The following NELL1 variants were observed in gnomAD, a reference collection of about 807,000 sequenced individuals.
NELL1 encodes protein kinase C-binding protein NELL1.
In NELL1, 76 loss-of-function variants were observed where a neutral mutation model predicts 107.4. The ratio of observed to expected loss-of-function variants is 0.71; its 90% CI spans 0.59 to 0.86. The LOEUF (loss-of-function observed/expected upper bound fraction) is 0.86, where lower values mean the gene tolerates loss of function less well. NELL1 is among the 40% of genes least tolerant of loss of function. The pLI is 0.00. For missense variants in NELL1, 1,024 were observed against 1,005.5 expected (o/e 1.02, Z -0.25); for synonymous variants, 353 against 341.2 (o/e 1.03, Z -0.38).
intron 13 of NELL1, among the ~76,000 whole-genome samples, chr11:21,212,116 G>A (rs570847117): frequency 6.6e-6 from 1 of 152,162 alleles, no homozygotes; most frequent in East Asian, 1.9e-4. Context: ...GTGAACCATG[G>A]TTCTGCTTCT....
At chr11:20,793,009 G>A (rs929087615) in intron 3 of NELL1, among the ~76,000 whole-genome samples, 2 of 151,838 alleles carry the variant, frequency 1.3e-5, no homozygotes, top group Admixed American at 1.3e-4. Flanking sequence ...GAATGAGCCT[G>A]AAAATAGATG....
At chr11:21,144,490 C>T (rs753186684) in intron 13 of NELL1, among the ~76,000 whole-genome samples, 6 of 152,006 alleles carry the variant, frequency 3.9e-5, no homozygotes, top group Non-Finnish European at 5.9e-5. Context: ...CAAATTTGTC[C>T]GTAATAGAGA....
intron 4 of NELL1, among the ~76,000 whole-genome samples, chr11:20,878,935 G>A (rs1849357541): frequency 6.6e-6 from 1 of 152,178 alleles, no homozygotes; most frequent in Non-Finnish European, 1.5e-5. Flanking sequence ...GGTAAAACAA[G>A]CTAAGTGATG....
At chr11:20,978,310 T>C (rs1410432669) in intron 12 of NELL1, among the ~76,000 whole-genome samples, 2 of 152,200 alleles carry the variant, frequency 1.3e-5, no homozygotes, top group Non-Finnish European at 1.5e-5. Flanking sequence ...ACCGCGAAGC[T>C]AGGTATTACT....
At chr11:20,831,133 C>T (rs1858000272) in intron 3 of NELL1, among the ~76,000 whole-genome samples, 5 of 152,150 alleles carry the variant, frequency 3.3e-5, no homozygotes, top group Admixed American at 2.6e-4. Flanking sequence ...ATTCTTATGT[C>T]CAAGATCAGA....
intron 14 of NELL1, among the ~76,000 whole-genome samples, chr11:21,302,610 T>G (rs1183972663): frequency 6.6e-6 from 1 of 152,004 alleles, no homozygotes; most frequent in Non-Finnish European, 1.5e-5. Flanking sequence ...AGGGGAATGG[T>G]TTCCTCTTTT....
chr11:21,433,996 T>G (rs552597902), intron 15 of NELL1, among the ~76,000 whole-genome samples: 15 of 152,338 alleles, frequency 9.8e-5, no homozygotes, highest in African/African-American at 3.6e-4. Flanking sequence ...TGTCTTATTT[T>G]GAAACATGTT....
intron 14 of NELL1, among the ~76,000 whole-genome samples, chr11:21,334,663 T>C (rs2133691211): frequency 6.6e-6 from 1 of 152,062 alleles, no homozygotes; most frequent in African/African-American, 2.4e-5. Context: ...GCCTACAATT[T>C]TCTGGTATCT....
At chr11:20,707,807 G>A (rs1855006980) in intron 2 of NELL1, among the ~76,000 whole-genome samples, 1 of 152,222 alleles carries the variant, frequency 6.6e-6, no homozygotes, top group African/African-American at 2.4e-5. Context: ...ACCCACTTGA[G>A]GAGGCAGTCT....
intron 13 of NELL1, among the ~76,000 whole-genome samples, chr11:21,133,220 G>T (rs1346025922): frequency 1.3e-5 from 2 of 152,138 alleles, no homozygotes; most frequent in Admixed American, 1.3e-4. Flanking sequence ...TAGTAGTCCT[G>T]ACCTCTCTCT....
intron 15 of NELL1, among the ~76,000 whole-genome samples, chr11:21,489,348 G>A (rs543545052): frequency 1.0e-5 from 1 of 100,490 alleles, no homozygotes; most frequent in East Asian, 3.4e-4. Context: ...TAAATGTGTA[G>A]AGAACTAACA....
Position 21,009,895 on chromosome 11 carries a change from G to A in NELL1, c.1300+49335G>A, listed in dbSNP as rs548046470. ...TACATCACAACAACATGCAAACAGAGTCAAGGGGTGGCAGTTTTTGAGCAA... is the reference window on the plus strand; with the variant it reads ...TACATCACAACAACATGCAAACAGAATCAAGGGGTGGCAGTTTTTGAGCAA... On this transcript the variant is annotated intron_variant, in intron 12 of 19. Transcript: ENST00000357134. Among the ~76,000 whole-genome samples, 149 of 151,984 alleles carry A rather than the reference G, an allele frequency of 9.8e-4. 4 individuals are homozygous for A. Among genetic ancestry groups the A allele is most frequent in the Admixed American group, 9.7e-3 (148 of 15,260 alleles).
chr11:21,300,053 A>G (rs1849461158), intron 14 of NELL1, among the ~76,000 whole-genome samples: 1 of 151,990 alleles, frequency 6.6e-6, no homozygotes. Flanking sequence ...AATGAATATT[A>G]TTTCAAATTC....
intron 14 of NELL1, among the ~76,000 whole-genome samples, chr11:21,263,681 AT>A (rs1848579555): frequency 6.6e-6 from 1 of 152,028 alleles, no homozygotes; most frequent in African/African-American, 2.4e-5. Context: ...TTCATCCTAT[AT>A]TTAGCTGCCA....
At chr11:21,067,033 A>C (rs1853892443) in intron 12 of NELL1, among the ~76,000 whole-genome samples, 1 of 152,074 alleles carries the variant, frequency 6.6e-6, no homozygotes, top group Admixed American at 6.6e-5. Context: ...CCTTTTATTA[A>C]GGTGTGAAGG....
rs151175016 is a variant in NELL1, at chr11:21,534,233, G to T, written c.1646-141G>T. ...TTGAATTCTGGAAAATATGGGATTT[G>T]CTTCTTCCAGTGACTTTCATTGTAG... On this transcript the variant is annotated intron_variant, in intron 15 of 19. Coordinates refer to ENST00000357134, the MANE Select transcript of NELL1 (RefSeq NM_006157.5). The T allele has an allele frequency of 5.6e-4, 486 of 870,096 alleles. 1 individual carries two copies. Among genetic ancestry groups the T allele is most frequent in the African/African-American group, 5.2e-3 (310 of 59,862 alleles). 53.9% of individuals were successfully genotyped at this position (870,096 alleles called of 1,614,324 possible). A position where few individuals can be genotyped will look rare whatever the true frequency, so the allele number is the denominator to read the frequency against.
At chr11:21,219,164 T>C (rs1857690698) in intron 13 of NELL1, among the ~76,000 whole-genome samples, 1 of 152,158 alleles carries the variant, frequency 6.6e-6, no homozygotes. Context: ...CTTTTCGATA[T>C]AGGCCATTTT....
At chr11:21,103,425 C>G (rs1272958274) in intron 12 of NELL1, among the ~76,000 whole-genome samples, 1 of 152,084 alleles carries the variant, frequency 6.6e-6, no homozygotes, top group African/African-American at 2.4e-5. Flanking sequence ...AGAGTAGATG[C>G]CAGGGGCTAA....
Position 21,229,362 on chromosome 11 carries a change from A to C in NELL1, c.1457A>C (p.Asn486Thr), listed in dbSNP as rs1457149825. The stretch of plus-strand genomic sequence containing the variant: ...GATGAATGTGGCAGCGGCCAGCACA[A>C]CTGTGATGAGAATGCCATCTGCACC... ...EHDECGSGQHNCDENAICTNT... is the reference protein window; with the variant it reads ...EHDECGSGQHTCDENAICTNT... The change falls in exon 14 of 20, where the codon AAC becomes ACC. Residue 486 changes from asparagine to threonine, a missense_variant. Asn to Thr is a moderately conservative substitution (Grantham distance 65). Transcript: ENST00000357134. 3 of 1,613,854 alleles carry C rather than the reference A, an allele frequency of 1.9e-6. No individual in the cohort carries two copies. Among genetic ancestry groups the C allele is most frequent in the Non-Finnish European group, 2.5e-6 (3 of 1,179,920 alleles).
Sources: gnomAD v4.1 joint callset for allele counts (sites outside exome capture counted in the v4.1 genomes callset) on GRCh38, gnomAD v4.1.1 for gene constraint, MANE v1.5 for transcripts, NCBI Gene and HGNC (gene_info 2026-07-23, HGNC 2026-07-21) for gene names.